Variants in NRG1 observed in about 807,000 individuals in gnomAD.
The protein encoded by NRG1 is pro-neuregulin-1, membrane-bound isoform.
NRG1 carries 18 observed loss-of-function variants against 63.8 expected under a neutral mutation model. That is an observed-to-expected ratio of 0.28 (90% CI 0.19 to 0.42). The LOEUF (loss-of-function observed/expected upper bound fraction) is 0.42. Ranked by LOEUF, NRG1 falls within the 10% of genes least tolerant of loss-of-function variation. NRG1 has a pLI of 1.00. For synonymous variants in NRG1, 302 were observed against 301.3 expected (o/e 1.00, Z -0.02); for missense variants, 762 against 814.7 (o/e 0.94, Z 0.79).
rs73232417 is a variant in NRG1, at chr8:31,976,501, G to T, written c.37+337070G>T. Among the ~76,000 whole-genome samples, 1,155 of 152,186 alleles carry T rather than the reference G, an allele frequency of 7.6e-3. 4 individuals carry two copies. The highest frequency in any genetic ancestry group is 0.01 in the Non-Finnish European group (695 of 68,002). On this transcript the variant is annotated intron_variant, in intron 1 of 10. Transcript: ENST00000519301. ...TGAGTGGTGGGGGGAGATGAAATTA[G>T]TTTATTATAATATGACTTTTGAGAA... is the stretch of plus-strand genomic sequence containing the variant.
intron 1 of NRG1, among the ~76,000 whole-genome samples, chr8:32,456,686 G>A (rs1821637214): frequency 6.6e-6 from 1 of 152,172 alleles, no homozygotes; most frequent in African/African-American, 2.4e-5. Context: ...TTATGCTGCT[G>A]GTAAGGCTTC....
intron 1 of NRG1, among the ~76,000 whole-genome samples, chr8:32,386,961 C>T (rs28716915): frequency 0.52 from 79,243 of 151,924 alleles, 21,517 homozygotes; most frequent in African/African-American, 0.63. Context: ...ACAAAACTCA[C>T]ATATGTAAAA....
At chr8:31,749,351 A>T (rs537081995) in intron 1 of NRG1, among the ~76,000 whole-genome samples, 3 of 151,876 alleles carry the variant, frequency 2.0e-5, no homozygotes, top group East Asian at 1.9e-4. Context: ...ATAAATTGCA[A>T]TTTTTTCTTA....
At chr8:32,336,758 C>T (rs749708458) in intron 1 of NRG1, among the ~76,000 whole-genome samples, 7 of 152,050 alleles carry the variant, frequency 4.6e-5, no homozygotes, top group African/African-American at 1.2e-4. Flanking sequence ...TACAAGTGCC[C>T]GCAGCTAAAC....
chr8:31,953,715 C>T (rs539224967), intron 1 of NRG1, among the ~76,000 whole-genome samples: 218 of 152,238 alleles, frequency 1.4e-3, no homozygotes, highest in African/African-American at 5.1e-3. Context: ...CAAATAAGGC[C>T]ATTTCTGCCT....
At chr8:32,005,635 T>A (rs917751279) in intron 1 of NRG1, among the ~76,000 whole-genome samples, 5 of 151,988 alleles carry the variant, frequency 3.3e-5, no homozygotes, top group Non-Finnish European at 7.4e-5. Context: ...TCAGAGGCAA[T>A]TGGTGTTATG....
intron 1 of NRG1, among the ~76,000 whole-genome samples, chr8:32,580,264 A>AC (rs1840405300): frequency 6.6e-6 from 1 of 152,160 alleles, no homozygotes; most frequent in Non-Finnish European, 1.5e-5. Flanking sequence ...GTGTAAGGTA[A>AC]CATATTCACA....
chr8:31,940,738 A>G (rs530083964), intron 1 of NRG1, among the ~76,000 whole-genome samples: 2 of 152,284 alleles, frequency 1.3e-5, no homozygotes, highest in East Asian at 3.9e-4. Flanking sequence ...TACCATAAAA[A>G]TACAAAAGAT....
chr8:32,618,785 A>C (rs989791759), intron 5 of NRG1, among the ~76,000 whole-genome samples: 3 of 152,182 alleles, frequency 2.0e-5, no homozygotes, highest in African/African-American at 7.2e-5. Flanking sequence ...CAAAAATGAG[A>C]AACAGTAGAG....
At chr8:31,963,793 G>T (rs1318769527) in intron 1 of NRG1, among the ~76,000 whole-genome samples, 1 of 152,054 alleles carries the variant, frequency 6.6e-6, no homozygotes, top group East Asian at 1.9e-4. Context: ...TGCTTTTCTT[G>T]TACTTTCCGC....
chr8:32,369,228 C>T (rs188526296), intron 1 of NRG1, among the ~76,000 whole-genome samples: 10 of 152,314 alleles, frequency 6.6e-5, no homozygotes, highest in Middle Eastern at 3.4e-3. Context: ...GGAGGAGCCA[C>T]GTTCTCTCTC....
At chr8:32,050,483 C>T (rs1200737771) in intron 1 of NRG1, among the ~76,000 whole-genome samples, 1 of 152,078 alleles carries the variant, frequency 6.6e-6, no homozygotes, top group Non-Finnish European at 1.5e-5. Context: ...ATTGACCAAA[C>T]ATGTGATCAA....
chr8:32,724,517 G>A (rs969613911), intron 5 of NRG1, among the ~76,000 whole-genome samples: 3 of 152,104 alleles, frequency 2.0e-5, no homozygotes, highest in South Asian at 2.1e-4. Flanking sequence ...TACTGAGTGT[G>A]TACGGCACAG....
intron 1 of NRG1, among the ~76,000 whole-genome samples, chr8:32,303,203 AAAAAG>A: frequency 6.7e-6 from 1 of 149,712 alleles, no homozygotes; most frequent in Non-Finnish European, 1.5e-5. Context: ...AAAAAAAAAA[AAAAAG>A]AGAAAAGAAA....
intron 1 of NRG1, among the ~76,000 whole-genome samples, chr8:32,381,394 C>T (rs988782566): frequency 3.3e-5 from 5 of 152,254 alleles, no homozygotes; most frequent in African/African-American, 9.6e-5. Context: ...TTGGCTTGTT[C>T]GTTTGCTGAC....
chr8:32,465,581 A>C (rs1331382022), intron 1 of NRG1, among the ~76,000 whole-genome samples: 4 of 140,512 alleles, frequency 2.8e-5, no homozygotes, highest in Non-Finnish European at 6.2e-5. Context: ...AACAACAAAG[A>C]CATTAATAAA....
chr8:31,745,912 G>A (rs937562723), intron 1 of NRG1, among the ~76,000 whole-genome samples: 2 of 151,844 alleles, frequency 1.3e-5, no homozygotes, highest in South Asian at 2.1e-4. Context: ...ATCAATTGAC[G>A]TTATCAATCA....
At chr8:32,525,039 C>T (rs962252566) in intron 1 of NRG1, among the ~76,000 whole-genome samples, 8 of 152,192 alleles carry the variant, frequency 5.3e-5, no homozygotes, top group Non-Finnish European at 1.2e-4. Context: ...TGCCGATTTA[C>T]CGCTGAAACC....
intron 1 of NRG1, among the ~76,000 whole-genome samples, chr8:32,267,264 A>G (rs1851078519): frequency 6.6e-6 from 1 of 152,220 alleles, no homozygotes; most frequent in Non-Finnish European, 1.5e-5. Context: ...GTCCCAGACA[A>G]TGGTCTGTAA....
Sources: allele counts gnomAD v4.1 joint callset (sites outside exome capture counted in the v4.1 genomes callset), GRCh38; gene constraint gnomAD v4.1.1; transcripts MANE v1.5; gene names NCBI Gene and HGNC (gene_info 2026-07-23, HGNC 2026-07-21).